The following PBX1 variants were observed in gnomAD, a reference collection of about 807,000 sequenced individuals.
PBX1 encodes the protein PBX homeobox 1.
A neutral mutation model predicts 53.4 loss-of-function variants in PBX1; 6 were observed. That is an observed-to-expected ratio of 0.11 (90% confidence interval 0.06 to 0.22). PBX1 has a LOEUF of 0.22. Ranked by LOEUF, PBX1 falls within the 10% of genes least tolerant of loss-of-function variation. The pLI, the probability that PBX1 is intolerant of heterozygous loss-of-function variation, is 1.00. For synonymous variants in PBX1, 204 were observed against 212.3 expected (o/e 0.96, Z 0.34); for missense variants, 251 against 551.4 (o/e 0.46, Z 5.46).
At chr1:164,671,474 G>C (rs535630425) in intron 2 of PBX1, among the ~76,000 whole-genome samples, 1 of 152,284 alleles carries the variant, frequency 6.6e-6, no homozygotes, top group Non-Finnish European at 1.5e-5. Flanking sequence ...TCGCCTGCCA[G>C]TGCATGTGCC....
At chr1:164,870,675 C>T (rs1231861230) in intron 2 of PBX1, among the ~76,000 whole-genome samples, 3 of 152,138 alleles carry the variant, frequency 2.0e-5, no homozygotes, top group Non-Finnish European at 4.4e-5. Context: ...ACCTTTAACA[C>T]GAGGAGTTTG....
At chr1:164,632,602 C>T (rs894723684) in intron 2 of PBX1, among the ~76,000 whole-genome samples, 1 of 151,884 alleles carries the variant, frequency 6.6e-6, no homozygotes, top group African/African-American at 2.4e-5. Context: ...GAATGCCCAC[C>T]GTGGATTCAA....
chr1:164,828,334 T>A (rs1196292100), intron 8 of PBX1: 1 of 152,130 alleles, frequency 6.6e-6, no homozygotes, highest in Non-Finnish European at 1.5e-5. Context: ...AACAAGTCAG[T>A]TTCTCATGAT....
chr1:164,682,192 T>C (rs972339110), intron 2 of PBX1: 2 of 152,240 alleles, frequency 1.3e-5, no homozygotes, highest in Non-Finnish European at 2.9e-5. Context: ...AATTGGAATA[T>C]AATAATCCTA....
rs369277110 is a variant in PBX1, at chr1:164,875,988, G to GTATATATATATATATATATATA, written n.258-23182_258-23181insTATATATATATATATATATATA. On this transcript the variant is annotated intron_variant and non_coding_transcript_variant, in intron 2 of 2. Coordinates refer to the PBX1 transcript ENST00000558796. ...ATACCTATATATATTTGGTGTATGT[G>GTATATATATATATATATATATA]TATATATATATATATATACACACAT... is the stretch of plus-strand genomic sequence containing the variant. Among the ~76,000 whole-genome samples, 285 of 56,602 alleles carry GTATATATATATATATATATATA rather than the reference G, an allele frequency of 5.0e-3. 13 individuals carry two copies. The highest frequency in any genetic ancestry group is 0.013 in the Middle Eastern group (1 of 76). 37.1% of individuals were successfully genotyped at this position (56,602 alleles called of 152,430 possible). A position where few individuals can be genotyped will look rare whatever the true frequency, so the allele number is the denominator to read the frequency against.
intron 2 of PBX1, among the ~76,000 whole-genome samples, chr1:164,694,064 C>CTT (rs35958146): frequency 2.0e-4 from 31 of 151,326 alleles, no homozygotes; most frequent in African/African-American, 2.9e-4. Context: ...AGATTTCTAG[C>CTT]TTTTTTTTTC....
At chr1:164,665,819 C>A (rs1014641310) in intron 2 of PBX1, among the ~76,000 whole-genome samples, 6 of 152,160 alleles carry the variant, frequency 3.9e-5, no homozygotes, top group African/African-American at 1.4e-4. Context: ...AAGATTGAGT[C>A]CCCTAAATTA....
At chr1:164,854,695 G>A (rs994492310), downstream of PBX1, among the ~76,000 whole-genome samples, 3 of 152,026 alleles carry the variant, frequency 2.0e-5, no homozygotes, top group Non-Finnish European at 4.4e-5. Flanking sequence ...AGGTAAGGAA[G>A]GTTGTAAAGG....
intron 2 of PBX1, among the ~76,000 whole-genome samples, chr1:164,879,882 A>G (rs1273776158): frequency 6.6e-6 from 1 of 152,130 alleles, no homozygotes; most frequent in African/African-American, 2.4e-5. Flanking sequence ...AAAGAACCCT[A>G]AAAAAACACA....
intron 2 of PBX1, among the ~76,000 whole-genome samples, chr1:164,651,426 T>A (rs1372296707): frequency 2.6e-5 from 4 of 152,032 alleles, no homozygotes; most frequent in Non-Finnish European, 4.4e-5. Flanking sequence ...CTGTCTCGTT[T>A]CCCTACCCTC....
chr1:164,826,436 G>A (rs976359375), intron 8 of PBX1, among the ~76,000 whole-genome samples: 97 of 151,810 alleles, frequency 6.4e-4, no homozygotes, highest in Non-Finnish European at 1.9e-4. Context: ...GCAGAGTCTC[G>A]CTCTGTCACC....
intron 2 of PBX1, among the ~76,000 whole-genome samples, chr1:164,740,864 G>C (rs958697298): frequency 1.3e-5 from 2 of 152,112 alleles, no homozygotes; most frequent in African/African-American, 4.8e-5. Context: ...ATCTTATTCT[G>C]CCCATGGGAT....
At chr1:164,713,972 G>A (rs375849374) in intron 2 of PBX1, among the ~76,000 whole-genome samples, 4 of 152,280 alleles carry the variant, frequency 2.6e-5, no homozygotes, top group African/African-American at 4.8e-5. Context: ...CACAGCTCAC[G>A]TGTTGCAAAA....
intron 2 of PBX1, among the ~76,000 whole-genome samples, chr1:164,730,067 G>A (rs1026159486): frequency 4.6e-5 from 7 of 152,168 alleles, no homozygotes; most frequent in African/African-American, 1.4e-4. Context: ...ACCCTGGAGG[G>A]CTTCAGGATA....
chr1:164,664,049 T>C (rs1277009086), intron 2 of PBX1, among the ~76,000 whole-genome samples: 2 of 152,192 alleles, frequency 1.3e-5, no homozygotes, highest in Admixed American at 1.3e-4. Context: ...AGCAGCCACT[T>C]TGCATTTGGT....
chr1:164,774,347 A>T (rs2102256130), intron 2 of PBX1: 1 of 152,342 alleles, frequency 6.6e-6, no homozygotes, highest in East Asian at 1.9e-4. Context: ...AGAAGTCTCC[A>T]TCTGGGAGGT....
At chr1:164,788,665 A>G (rs2102292530) in intron 2 of PBX1, among the ~76,000 whole-genome samples, 1 of 152,128 alleles carries the variant, frequency 6.6e-6, no homozygotes, top group South Asian at 2.1e-4. Flanking sequence ...GGGTTTTTGC[A>G]CAATCATTTT....
intron 2 of PBX1, among the ~76,000 whole-genome samples, chr1:164,650,962 G>GAAA (rs35284541): frequency 4.4e-4 from 64 of 146,538 alleles, no homozygotes; most frequent in East Asian, 1.4e-3. Flanking sequence ...ATGTTGCTCA[G>GAAA]AAAAAAAAAA....
intron 2 of PBX1, among the ~76,000 whole-genome samples, chr1:164,594,474 G>A (rs1351268221): frequency 6.6e-6 from 1 of 152,044 alleles, no homozygotes; most frequent in Non-Finnish European, 1.5e-5. Context: ...GTGGAGACGG[G>A]GTTTCGCCGT....
Sources: allele counts gnomAD v4.1 joint callset (sites outside exome capture counted in the v4.1 genomes callset), GRCh38; gene constraint gnomAD v4.1.1; transcripts MANE v1.5; gene names NCBI Gene and HGNC (gene_info 2026-07-23, HGNC 2026-07-21).